Variants in TACR3 observed in about 807,000 individuals in gnomAD.
TACR3 encodes tachykinin receptor 3, also known as neuromedin-K receptor.
A neutral mutation model predicts 35.0 loss-of-function variants in TACR3; 34 were observed. The observed-to-expected ratio is 0.97, with a 90% CI of 0.74 to 1.30. TACR3 has a LOEUF of 1.30. Among genes scored for constraint, TACR3 ranks in the 50% most tolerant of loss-of-function variants. TACR3 has a pLI of 0.00. For synonymous variants in TACR3, 233 were observed against 221.1 expected, an observed-to-expected ratio of 1.05 and a Z score of -0.48; for missense variants, 558 against 591.7, an observed-to-expected ratio of 0.94 and a Z score of 0.59.
chr4:103,637,416 T>C (rs925070938), intron 3 of TACR3, among the ~76,000 whole-genome samples: 1 of 152,036 alleles, frequency 6.6e-6, no homozygotes, highest in Non-Finnish European at 1.5e-5. Context: ...TCTCAATAAA[T>C]TAGGTATTGA....
At chr4:103,706,812 A>C (rs1325501492) in intron 1 of TACR3, among the ~76,000 whole-genome samples, 1 of 152,204 alleles carries the variant, frequency 6.6e-6, no homozygotes, top group Non-Finnish European at 1.5e-5. Flanking sequence ...AAGGACGATG[A>C]ATCAGGATCA....
chr4:103,594,098 G>A (rs1723951833), intron 3 of TACR3, among the ~76,000 whole-genome samples: 1 of 151,980 alleles, frequency 6.6e-6, no homozygotes, highest in Non-Finnish European at 1.5e-5. Flanking sequence ...ATGGACATGT[G>A]TATGTAAAAT....
chr4:103,633,987 ATCT>A (rs1194171474), intron 3 of TACR3, among the ~76,000 whole-genome samples: 4 of 152,154 alleles, frequency 2.6e-5, no homozygotes, highest in Admixed American at 1.3e-4. Flanking sequence ...CTAGAAATTC[ATCT>A]TCTGCTCACA....
chr4:103,683,062 G>A (rs1424410969), intron 1 of TACR3, among the ~76,000 whole-genome samples: 1 of 152,086 alleles, frequency 6.6e-6, no homozygotes, highest in Non-Finnish European at 1.5e-5. Flanking sequence ...TAATGAAGAT[G>A]AGGAGGCAGA....
At chr4:103,673,897 A>G (rs1220458795) in intron 1 of TACR3, among the ~76,000 whole-genome samples, 1 of 152,244 alleles carries the variant, frequency 6.6e-6, no homozygotes, top group Non-Finnish European at 1.5e-5. Flanking sequence ...ATGATACTCT[A>G]TTTAGACTGT....
chr4:103,707,180 G>A (rs1056582352), intron 1 of TACR3, among the ~76,000 whole-genome samples: 2 of 152,176 alleles, frequency 1.3e-5, no homozygotes, highest in Non-Finnish European at 2.9e-5. Context: ...ATAATTCCTT[G>A]AAACTCAAGT....
At chr4:103,649,554 CT>C (rs1403106691) in intron 3 of TACR3, among the ~76,000 whole-genome samples, 1 of 151,944 alleles carries the variant, frequency 6.6e-6, no homozygotes, top group Non-Finnish European at 1.5e-5. Context: ...TTTCCTCTTA[CT>C]GTACATTTTC....
intron 3 of TACR3, among the ~76,000 whole-genome samples, chr4:103,609,963 G>GACTA: frequency 6.6e-6 from 1 of 152,004 alleles, no homozygotes; most frequent in East Asian, 1.9e-4. Flanking sequence ...AATTTTTTAT[G>GACTA]ACTAACTAGC....
chr4:103,615,398 T>TGTGTGAGA (rs367881970), intron 3 of TACR3, among the ~76,000 whole-genome samples: 24 of 117,222 alleles, frequency 2.0e-4, no homozygotes, highest in African/African-American at 6.0e-4. Context: ...TGTGTGTGTG[T>TGTGTGAGA]GAGAGAGAGA....
Position 103,719,335 on chromosome 4 carries a change from T to C in TACR3, c.341A>G (p.Lys114Arg). 2 of 1,614,242 alleles carry C rather than the reference T, an allele frequency of 1.2e-6. No individual in the cohort carries two copies. The highest frequency in any genetic ancestry group is 1.7e-6 in the Non-Finnish European group (2 of 1,180,042). ...GTAGTTGGTGACAGTCCTCATGCGCTTGTGGGCCAGGATGATCCAGATGAC... is the reference window on the plus strand; with the variant it reads ...GTAGTTGGTGACAGTCCTCATGCGCCTGTGGGCCAGGATGATCCAGATGAC... ...LIVIWIILAH[K>R]RMRTVTNYFL... Residue 114 changes from lysine (K) to arginine (R), a missense_variant, in exon 1 of 5, where the codon AAG becomes AGG. By Grantham distance (26) the Lys-to-Arg change is conservative. Transcript: ENST00000304883.
At chr4:103,633,409 T>C (rs532614732) in intron 3 of TACR3, among the ~76,000 whole-genome samples, 1 of 145,970 alleles carries the variant, frequency 6.9e-6, no homozygotes, top group Non-Finnish European at 1.5e-5. Context: ...TATTTTATTA[T>C]TATTTTAAAT....
rs1723793008 is a variant in TACR3, at chr4:103,587,506, T to G, written c.*2176A>C. ...CGAGGCCAGTATTTTTCCTTAGAAA[T>G]AAATGTCTTAGAAAATTCTACTGAA... On this transcript the variant is annotated 3_prime_UTR_variant, in exon 5 of 5. Transcript: ENST00000304883. 6.6e-6 allele frequency: 1 copy of G among 152,092 alleles called. No individual in the cohort carries two copies. The highest frequency in any genetic ancestry group is 2.4e-5 in the African/African-American group (1 of 41,448). 9.4% of individuals were successfully genotyped at this position (152,092 alleles called of 1,614,324 possible). A position where few individuals can be genotyped will look rare whatever the true frequency, so the allele number is the denominator to read the frequency against.
intron 3 of TACR3, among the ~76,000 whole-genome samples, chr4:103,612,948 C>T (rs141713950): frequency 1.8e-3 from 268 of 152,222 alleles, no homozygotes; most frequent in African/African-American, 6.0e-3. Context: ...TTGGTATTCT[C>T]ATACATGGTT....
intron 1 of TACR3, among the ~76,000 whole-genome samples, chr4:103,702,152 C>T (rs1722666429): frequency 1.3e-5 from 2 of 152,182 alleles, no homozygotes; most frequent in Admixed American, 1.3e-4. Context: ...ACTTACTCAT[C>T]TGACAAAGGG....
intron 3 of TACR3, among the ~76,000 whole-genome samples, chr4:103,606,306 G>T (rs201390692): frequency 4.0e-5 from 6 of 150,306 alleles, no homozygotes; most frequent in South Asian, 2.1e-4. Flanking sequence ...TTGGCGATGC[G>T]GGCTCTTTTT....
intron 3 of TACR3, among the ~76,000 whole-genome samples, chr4:103,629,603 AAGG>A (rs1724996612): frequency 1.3e-5 from 2 of 152,124 alleles, no homozygotes; most frequent in Admixed American, 6.5e-5. Flanking sequence ...GGACCTCTTC[AAGG>A]AGAACTACAA....
chr4:103,657,756 T>C (rs1725760759), intron 2 of TACR3, among the ~76,000 whole-genome samples: 1 of 152,084 alleles, frequency 6.6e-6, no homozygotes, highest in Non-Finnish European at 1.5e-5. Flanking sequence ...TTTTTAATGC[T>C]TTTTGCTTGT....
chr4:103,642,218 A>G (rs999598084), intron 3 of TACR3, among the ~76,000 whole-genome samples: 10 of 150,802 alleles, frequency 6.6e-5, no homozygotes, highest in Admixed American at 6.6e-4. Context: ...ATATTTATAT[A>G]TATATATAAT....
intron 1 of TACR3, among the ~76,000 whole-genome samples, chr4:103,677,094 C>T (rs1342032292): frequency 6.6e-6 from 1 of 152,016 alleles, no homozygotes; most frequent in Non-Finnish European, 1.5e-5. Context: ...ATGTGGCCAA[C>T]AAACATATGA....
Sources: allele counts gnomAD v4.1 joint callset (sites outside exome capture counted in the v4.1 genomes callset), GRCh38; gene constraint gnomAD v4.1.1; transcripts MANE v1.5; gene names NCBI Gene and HGNC (gene_info 2026-07-23, HGNC 2026-07-21).